The following TLR5 variants were observed in gnomAD, a reference collection of about 807,000 sequenced individuals.
The protein encoded by TLR5 is toll-like receptor 5.
For synonymous variants in TLR5, 373 were observed against 384.4 expected, an observed-to-expected ratio of 0.97 and a Z score of 0.35; for missense variants, 944 against 999.8, an observed-to-expected ratio of 0.94 and a Z score of 0.75.
chr1:223,110,421 G>C lies in TLR5; in HGVS notation c.*34C>G, dbSNP rs764529751. The C allele has an allele frequency of 6.2e-7, 1 of 1,609,924 alleles. No homozygotes were observed. Among genetic ancestry groups the C allele is most frequent in the South Asian group, 1.1e-5 (1 of 90,968 alleles). On this transcript the variant is annotated 3_prime_UTR_variant, in exon 6 of 6. Transcript: ENST00000642603. ...GCAAATACAAAGTGAAGAGTTATTTGTGGCTTGAGATAAGTTGGAAATTGC... is the reference window on the plus strand; with the variant it reads ...GCAAATACAAAGTGAAGAGTTATTTCTGGCTTGAGATAAGTTGGAAATTGC...
intron 5 of TLR5, chr1:223,123,738 T>C (rs1657039871): frequency 6.6e-6 from 1 of 152,264 alleles, no homozygotes; most frequent in East Asian, 1.9e-4. Flanking sequence ...GAATGAGCAC[T>C]GGGATTGGGG....
intron 5 of TLR5, among the ~76,000 whole-genome samples, chr1:223,119,899 G>T (rs947992563): frequency 7.0e-6 from 1 of 142,456 alleles, no homozygotes; most frequent in Non-Finnish European, 1.5e-5. Flanking sequence ...GCAGTAAGCC[G>T]AGATCATGCC....
Position 223,112,206 on chromosome 1 carries a change from C to T in TLR5, c.826G>A (p.Asp276Asn). Residue 276 changes from aspartate (D) to asparagine (N), a missense_variant, in exon 6 of 6, where the codon GAT becomes AAT. Asp to Asn is a conservative substitution (Grantham distance 23). Coordinates refer to ENST00000642603, the MANE Select transcript of TLR5 (RefSeq NM_003268.6). ...CCAGCAAATGTGTTCTGGTCAGGAT[C>T]TTTGATGTTATGGAAGCCAAACCCG... ...GAGFGFHNIK[D>N]PDQNTFAGLA... is the part of the protein sequence containing the mutation. The T allele has an allele frequency of 6.2e-7, 1 of 1,614,186 alleles. No individual in the cohort carries two copies. The highest frequency in any genetic ancestry group is 8.5e-7 in the Non-Finnish European group (1 of 1,180,046).
chr1:223,113,781 C>T (rs1571729861), intron 5 of TLR5, among the ~76,000 whole-genome samples: 1 of 152,228 alleles, frequency 6.6e-6, no homozygotes, highest in East Asian at 1.9e-4. Context: ...CTTATAATAA[C>T]TCTATGTTTC....
chr1:223,130,577 C>T (rs1657361169), intron 5 of TLR5, among the ~76,000 whole-genome samples: 1 of 152,148 alleles, frequency 6.6e-6, no homozygotes, highest in Non-Finnish European at 1.5e-5. Context: ...ACGTCACTTG[C>T]TTGCTTCTTT....
intron 5 of TLR5, 150 bp from the exon 6 acceptor site, chr1:223,113,185 T>C: frequency 1.3e-6 from 1 of 781,894 alleles, no homozygotes; most frequent in Non-Finnish European, 2.2e-6. Flanking sequence ...TGTTGGCAGA[T>C]ACAGACAAAA....
intron 5 of TLR5, among the ~76,000 whole-genome samples, chr1:223,124,476 G>A (rs538225524): frequency 7.6e-4 from 115 of 151,130 alleles, no homozygotes; most frequent in African/African-American, 2.5e-3. Context: ...GAAAAAAAAA[G>A]GATTGGAGCC....
At chr1:223,137,950 A>ATTTTTTTTTTTTTTTTTTT (rs3044335) in intron 2 of TLR5, among the ~76,000 whole-genome samples, 3 of 84,538 alleles carry the variant, frequency 3.5e-5, no homozygotes, top group East Asian at 4.4e-4. Flanking sequence ...GGCTTTTTAA[A>ATTTTTTTTTTTTTTTTTTT]TTTTTTTTTT....
chr1:223,112,947 G>C lies in TLR5; in HGVS notation c.85C>G (p.Arg29Gly). The C allele has an allele frequency of 1.2e-6, 2 of 1,614,136 alleles. No individual in the cohort carries two copies. The highest frequency in any genetic ancestry group is 1.3e-5 in the African/African-American group (1 of 75,020). ...FGIPSCSFDGRIAFYRFCNLT... is the reference protein window; with the variant it reads ...FGIPSCSFDGGIAFYRFCNLT... ...TTGCAGAAACGATAAAAGGCTATTC[G>C]GCCATCAAAGGAGCAGGAAGGAATT... The change falls in exon 6 of 6, where the codon CGA (arginine) becomes GGA (glycine). Residue 29 changes from arginine (R) to glycine (G), a missense_variant. Physicochemically the swap from Arg to Gly is moderately radical, Grantham distance 125. Transcript: ENST00000642603.
At chr1:223,142,311 G>C (rs539399167) in intron 1 of TLR5, among the ~76,000 whole-genome samples, 52 of 152,334 alleles carry the variant, frequency 3.4e-4, no homozygotes, top group African/African-American at 1.2e-3. Flanking sequence ...TTGACTAGGT[G>C]ACTGCTCAGC....
chr1:223,116,581 G>C (rs949814551), intron 5 of TLR5, among the ~76,000 whole-genome samples: 5 of 152,194 alleles, frequency 3.3e-5, no homozygotes, highest in Non-Finnish European at 7.3e-5. Context: ...CTTCCACGGT[G>C]TGAAAGACGA....
At position 223,131,733 on chromosome 1, in the gene TLR5, T is replaced by TTTG. The variant is rs371091620; in HGVS notation, c.-5+739_-5+741dup. Among the ~76,000 whole-genome samples, 231 of 151,972 alleles carry TTTG rather than the reference T, an allele frequency of 1.5e-3. No homozygotes were observed. The highest frequency in any genetic ancestry group is 5.2e-3 in the African/African-American group (214 of 41,446). ...CTTGTACCACCATGCCCAGCTAATT[T>TTTG]TTGTTGTTGTTGTTGTTGTTTTTGT... is the stretch of plus-strand genomic sequence containing the variant. On this transcript the variant is annotated intron_variant, in intron 5 of 5. Coordinates refer to ENST00000642603, the MANE Select transcript of TLR5 (RefSeq NM_003268.6). The surrounding 1 kb of genome is among the most constrained non-coding windows in gnomAD (Gnocchi z 4.2).
At chr1:223,125,625 G>A (rs1036960234) in intron 5 of TLR5, among the ~76,000 whole-genome samples, 6 of 151,784 alleles carry the variant, frequency 4.0e-5, no homozygotes, top group African/African-American at 9.7e-5. Context: ...TGGTGGTGGC[G>A]GTGGGGGTTG....
At chr1:223,124,419 G>A (rs931504465) in intron 5 of TLR5, among the ~76,000 whole-genome samples, 3 of 149,932 alleles carry the variant, frequency 2.0e-5, no homozygotes, top group Non-Finnish European at 4.4e-5. Context: ...CTCCAGCCTG[G>A]GCGACAAGAG....
chr1:223,115,684 G>A (rs945607086), intron 5 of TLR5, among the ~76,000 whole-genome samples: 2 of 152,270 alleles, frequency 1.3e-5, no homozygotes, highest in African/African-American at 4.8e-5. Flanking sequence ...ACAGGCAGAG[G>A]TAAATGCAAT....
chr1:223,112,573 G>A lies in TLR5; in HGVS notation c.459C>T (p.Ser153=), dbSNP rs1159394842. 2 of 1,614,206 alleles carry A rather than the reference G, an allele frequency of 1.2e-6. No individual in the cohort carries two copies. The highest frequency in any genetic ancestry group is 2.2e-5 in the South Asian group (2 of 91,074). The part of the protein sequence containing the change: ...NLKALTRLDL[S]KNQIRSLYLH... ...GGTAAAGGCTACGAATCTGATTTTTGGATAGATCCAAGCGAGTTAAAGCCT... is the reference window on the plus strand; with the variant it reads ...GGTAAAGGCTACGAATCTGATTTTTAGATAGATCCAAGCGAGTTAAAGCCT... Residue 153 remains serine (S), a synonymous_variant, in exon 6 of 6, where the codon TCC becomes TCT. Coordinates refer to ENST00000642603, the MANE Select transcript of TLR5 (RefSeq NM_003268.6).
chr1:223,116,213 A>AGTC (rs1345033425), intron 5 of TLR5, among the ~76,000 whole-genome samples: 3 of 152,216 alleles, frequency 2.0e-5, no homozygotes, highest in African/African-American at 7.2e-5. Flanking sequence ...TCAAGAGTGA[A>AGTC]GTCGTGGACC....
intron 5 of TLR5, among the ~76,000 whole-genome samples, chr1:223,129,892 A>G (rs1657334542): frequency 6.6e-6 from 1 of 152,162 alleles, no homozygotes; most frequent in Admixed American, 6.5e-5. Flanking sequence ...GCACTGCAGA[A>G]CGGTTGATTT....
rs1293354302 is a variant in TLR5 at position 223,109,944 on chromosome 1, A to G, written c.*511T>C. ...CCCAGCTTCTTTGGGGCCACCTCTT[A>G]TCTATGAGACAAAGTGTGACTTGCA... On this transcript the variant is annotated 3_prime_UTR_variant, in exon 6 of 6. Coordinates refer to ENST00000642603, the MANE Select transcript of TLR5 (RefSeq NM_003268.6). The G allele has an allele frequency of 1.1e-5, 2 of 174,416 alleles. No individual in the cohort carries two copies. Among genetic ancestry groups the G allele is most frequent in the Non-Finnish European group, 2.5e-5 (2 of 81,630 alleles). 10.8% of individuals were successfully genotyped at this position (174,416 alleles called of 1,614,324 possible). A position where few individuals can be genotyped will look rare whatever the true frequency, so the allele number is the denominator to read the frequency against.
Sources: gnomAD v4.1 joint callset for allele counts (sites outside exome capture counted in the v4.1 genomes callset) on GRCh38, gnomAD v4.1.1 for gene constraint, Gnocchi (gnomAD v3.1) non-coding constraint, MANE v1.5 for transcripts, NCBI Gene and HGNC (gene_info 2026-07-23, HGNC 2026-07-21) for gene names.